The following CADM1 variants were observed in gnomAD, a reference collection of about 807,000 sequenced individuals.
CADM1 encodes TSLC-1.
A neutral mutation model predicts 53.1 loss-of-function variants in CADM1; 15 were observed. The ratio of observed to expected loss-of-function variants is 0.28; its 90% CI spans 0.19 to 0.44. CADM1 has a LOEUF of 0.44. CADM1 is among the 20% of genes least tolerant of loss of function. The probability of loss-of-function intolerance (pLI) is 1.00; values close to 1 mark genes in which losing one functional copy is unlikely to be tolerated. For missense variants in CADM1, 434 were observed against 611.3 expected (o/e 0.71, Z 3.06); for synonymous variants, 281 against 243.0 (o/e 1.16, Z -1.45).
chr11:115,412,570 C>T (rs747098783), intron 1 of CADM1, among the ~76,000 whole-genome samples: 8 of 152,130 alleles, frequency 5.3e-5, no homozygotes, highest in Non-Finnish European at 1.0e-4. Flanking sequence ...ATCTTCCAAC[C>T]AATTCTAAAA....
At chr11:115,187,315 T>G (rs1260028643) in intron 10 of CADM1, among the ~76,000 whole-genome samples, 1 of 152,208 alleles carries the variant, frequency 6.6e-6, no homozygotes, top group Non-Finnish European at 1.5e-5. Flanking sequence ...CAAGTAAGTT[T>G]AGCCAGGACT....
intron 1 of CADM1, among the ~76,000 whole-genome samples, chr11:115,260,373 T>C (rs994661054): frequency 6.6e-6 from 1 of 152,266 alleles, no homozygotes; most frequent in African/African-American, 2.4e-5. Context: ...TCAGGTAATA[T>C]GTCACATCAT....
At chr11:115,314,249 C>A (rs1944601843) in intron 1 of CADM1, among the ~76,000 whole-genome samples, 1 of 152,016 alleles carries the variant, frequency 6.6e-6, no homozygotes, top group Non-Finnish European at 1.5e-5. Context: ...TGTGAAAGGG[C>A]ACATGGGGGG....
chr11:115,424,683 T>C (rs1339190645), intron 1 of CADM1, among the ~76,000 whole-genome samples: 3 of 152,000 alleles, frequency 2.0e-5, no homozygotes, highest in African/African-American at 7.2e-5. Flanking sequence ...TGCACCACCA[T>C]GCCCAGCTAA....
intron 1 of CADM1, among the ~76,000 whole-genome samples, chr11:115,415,950 C>A (rs1947586971): frequency 6.7e-6 from 1 of 150,056 alleles, no homozygotes; most frequent in African/African-American, 2.4e-5. Context: ...GACCTTATAT[C>A]TGCCTCACTG....
intron 1 of CADM1, among the ~76,000 whole-genome samples, chr11:115,305,153 C>T (rs748609406): frequency 6.6e-6 from 1 of 151,852 alleles, no homozygotes; most frequent in African/African-American, 2.4e-5. Flanking sequence ...CCAAATCACC[C>T]GGAGCCCTCA....
intron 1 of CADM1, among the ~76,000 whole-genome samples, chr11:115,394,325 G>A (rs1946931835): frequency 6.6e-6 from 1 of 152,148 alleles, no homozygotes; most frequent in Admixed American, 6.5e-5. Context: ...TTTCTTTTAA[G>A]CTCAAATATA....
chr11:115,292,805 G>A (rs1215097883), intron 1 of CADM1, among the ~76,000 whole-genome samples: 1 of 152,154 alleles, frequency 6.6e-6, no homozygotes, highest in Non-Finnish European at 1.5e-5. Context: ...GGCAACCAGT[G>A]TCTTTTCCAC....
At chr11:115,449,974 AT>A (rs139244658) in intron 1 of CADM1, among the ~76,000 whole-genome samples, 3,688 of 149,500 alleles carry the variant, frequency 0.025, 121 homozygotes, top group African/African-American at 0.072. Flanking sequence ...AAACCTGGCC[AT>A]TTTTTTTTTC....
chr11:115,425,595 T>C (rs1227135474), intron 1 of CADM1, among the ~76,000 whole-genome samples: 1 of 152,248 alleles, frequency 6.6e-6, no homozygotes, highest in Non-Finnish European at 1.5e-5. Flanking sequence ...TAACTACACC[T>C]ATCACTCAAA....
chr11:115,469,671 T>C (rs1192475889), intron 1 of CADM1, among the ~76,000 whole-genome samples: 3 of 144,134 alleles, frequency 2.1e-5, no homozygotes, highest in Admixed American at 2.1e-4. Flanking sequence ...CTTCTGGGCT[T>C]TTTTTTTTTT....
intron 1 of CADM1, among the ~76,000 whole-genome samples, chr11:115,448,181 C>T (rs929711779): frequency 2.6e-5 from 4 of 152,232 alleles, no homozygotes; most frequent in East Asian, 3.9e-4. Flanking sequence ...GATTGAGTAC[C>T]TCTCATCCCT....
Position 115,209,664 on chromosome 11 carries a change from A to AG in CADM1, c.995-8dup. On this transcript the variant is annotated splice_region_variant and splice_polypyrimidine_tract_variant and intron_variant, in intron 7 of 11. Transcript: ENST00000331581. ...GGGATAGTTGTGGGGGGATCTGGAT[A>AG]GAAAAAAAAAGGAAAATCAAACCCA... The AG allele has an allele frequency of 6.2e-7, 1 of 1,612,396 alleles. No homozygotes were observed. The highest frequency in any genetic ancestry group is 1.3e-5 in the African/African-American group (1 of 74,924).
intron 1 of CADM1, among the ~76,000 whole-genome samples, chr11:115,360,121 G>C (rs538805202): frequency 1.3e-5 from 2 of 152,242 alleles, no homozygotes; most frequent in South Asian, 4.2e-4. Context: ...TAATATACCT[G>C]CTACTTTGAC....
chr11:115,201,737 C>T (rs185463587), intron 8 of CADM1, among the ~76,000 whole-genome samples: 71 of 152,108 alleles, frequency 4.7e-4, no homozygotes, highest in Non-Finnish European at 8.7e-4. Flanking sequence ...TTGAGCTAGC[C>T]CATGAGAAAA....
chr11:115,316,012 G>C (rs1944658130), intron 1 of CADM1, among the ~76,000 whole-genome samples: 1 of 152,118 alleles, frequency 6.6e-6, no homozygotes, highest in Admixed American at 6.6e-5. Flanking sequence ...CCTGTAGACA[G>C]GCATCCTGCG....
intron 1 of CADM1, among the ~76,000 whole-genome samples, chr11:115,361,069 C>A (rs1484842840): frequency 6.6e-6 from 1 of 152,026 alleles, no homozygotes; most frequent in African/African-American, 2.4e-5. Flanking sequence ...TTAATAATGC[C>A]CTACTTCTTG....
intron 1 of CADM1, among the ~76,000 whole-genome samples, chr11:115,314,527 C>G (rs1944610758): frequency 6.6e-6 from 1 of 152,232 alleles, no homozygotes; most frequent in South Asian, 2.1e-4. Context: ...AATCAAGAGT[C>G]TATGACTAAG....
intron 1 of CADM1, among the ~76,000 whole-genome samples, chr11:115,341,849 C>A (rs1053998729): frequency 3.3e-5 from 5 of 152,166 alleles, no homozygotes; most frequent in Non-Finnish European, 5.9e-5. Flanking sequence ...GCTGAAATAA[C>A]TGTCAACTCT....
Sources: gnomAD v4.1 joint callset for allele counts (sites outside exome capture counted in the v4.1 genomes callset) on GRCh38, gnomAD v4.1.1 for gene constraint, MANE v1.5 for transcripts, NCBI Gene and HGNC (gene_info 2026-07-23, HGNC 2026-07-21) for gene names.